Variants in MGAT5B observed in about 807,000 individuals in gnomAD.
MGAT5B encodes the protein N-acetylglucosaminyl-transferase Vb.
A neutral mutation model predicts 95.1 loss-of-function variants in MGAT5B; 54 were observed. That is an observed-to-expected ratio of 0.57 (90% CI 0.46 to 0.71). The LOEUF is 0.71. Among genes scored for constraint, MGAT5B ranks in the 30% least tolerant of loss-of-function variants. The pLI, the probability that MGAT5B is intolerant of heterozygous loss-of-function variation, is 0.00. For synonymous variants in MGAT5B, 464 were observed against 451.0 expected (o/e 1.03, Z -0.36); for missense variants, 935 against 1,088.6 (o/e 0.86, Z 1.99).
rs576403632 is a variant in MGAT5B at position 76,913,426 on chromosome 17, C to T, written c.1025+7239C>T. Among the ~76,000 whole-genome samples, 8 of 152,290 alleles carry T rather than the reference C, an allele frequency of 5.3e-5. No homozygotes were observed. In the South Asian group the frequency reaches 8.3e-4, roughly 16 times the overall value. Reference sequence around the variant, plus strand: ...TGGGCAGCTCAAACCAGCTCCAGGGCGGAGGATGCTGCTCTTCTCTGAGGG... The same window carrying T: ...TGGGCAGCTCAAACCAGCTCCAGGGTGGAGGATGCTGCTCTTCTCTGAGGG... On this transcript the variant is annotated intron_variant, in intron 8 of 17. Transcript: ENST00000569840.
chr17:76,944,523 T>C (rs1969975091), intron 15 of MGAT5B, among the ~76,000 whole-genome samples: 1 of 152,186 alleles, frequency 6.6e-6, no homozygotes, highest in African/African-American at 2.4e-5. Flanking sequence ...AGCAACTGGC[T>C]GCCAGGGTCT....
chr17:76,875,105 C>G (rs563510785), intron 2 of MGAT5B, among the ~76,000 whole-genome samples: 2 of 152,276 alleles, frequency 1.3e-5, no homozygotes, highest in African/African-American at 4.8e-5. Flanking sequence ...CATTACTCAC[C>G]CAAGGATAGT....
rs1968547932 is a variant in MGAT5B at position 76,906,841 on chromosome 17, T to A, written c.1025+654T>A. ...TGTAGGAATACAGGAGATTCTTCTC[T>A]TTATTAATATTTATTGTAAGATATA... On this transcript the variant is annotated intron_variant, in intron 8 of 17. Transcript: ENST00000569840. The surrounding 1 kb of genome is among the most constrained non-coding windows in gnomAD (Gnocchi z 4.6). Among the ~76,000 whole-genome samples the A allele has an allele frequency of 1.3e-5, 2 of 152,204 alleles. No individual in the cohort carries two copies. The highest frequency in any genetic ancestry group is 4.2e-4 in the South Asian group (2 of 4,816).
chr17:76,934,546 C>T (rs534043905), intron 12 of MGAT5B, among the ~76,000 whole-genome samples: 2 of 152,210 alleles, frequency 1.3e-5, no homozygotes, highest in Admixed American at 1.3e-4. Flanking sequence ...CTCCCCATGC[C>T]GATTGCCACA....
Position 76,915,559 on chromosome 17 carries a change from G to C in MGAT5B, c.1025+9372G>C, listed in dbSNP as rs1968900192. On this transcript the variant is annotated intron_variant, in intron 8 of 17. Coordinates refer to ENST00000569840, the MANE Select transcript of MGAT5B (RefSeq NM_001199172.2). The surrounding 1 kb of genome is among the most constrained non-coding windows in gnomAD (Gnocchi z 8.7). ...CAAATATGGCAAAATGTTAAGGCTT[G>C]ATGAGGCTGGGAAGTGGGCGCATTG... 6.6e-6 allele frequency among the ~76,000 whole-genome samples: 1 copy of C among 152,172 alleles called. No individual in the cohort carries two copies. Among genetic ancestry groups the C allele is most frequent in the Non-Finnish European group, 1.5e-5 (1 of 68,044 alleles).
At chr17:76,922,155 CAG>C (rs1173306501) in intron 8 of MGAT5B, among the ~76,000 whole-genome samples, 1 of 152,126 alleles carries the variant, frequency 6.6e-6, no homozygotes, top group African/African-American at 2.4e-5. Flanking sequence ...GCTCCCAGGA[CAG>C]AGAGATAACA....
chr17:76,926,763 A>T (rs1267260805), intron 10 of MGAT5B, 33 bp downstream of exon 10: 2 of 1,607,772 alleles, frequency 1.2e-6, no homozygotes, highest in African/African-American at 2.7e-5. Flanking sequence ...GTGGGGTCGG[A>T]GGTCCTCCTC....
In MGAT5B at chr17:76,869,164, C is replaced by T; in HGVS notation, c.68+67C>T. The T allele has an allele frequency of 7.1e-7, 1 of 1,404,918 alleles. No individual in the cohort carries two copies. The highest frequency in any genetic ancestry group is 1.0e-6 in the Non-Finnish European group (1 of 990,160). 87.0% of individuals were successfully genotyped at this position (1,404,918 alleles called of 1,614,324 possible). On this transcript the variant is annotated intron_variant, in intron 1 of 17. Transcript: ENST00000569840. This position sits in a 1 kb window ranked among gnomAD's most constrained non-coding sequence, Gnocchi z 7.0. The stretch of plus-strand genomic sequence containing the variant: ...CGGGTGGAGGTGGGCGAGGTCGGTT[C>T]CTGCGAACGTTCAAGTCCTGGTGGC...
intron 10 of MGAT5B, among the ~76,000 whole-genome samples, chr17:76,928,037 G>A (rs1969369467): frequency 6.6e-6 from 1 of 152,096 alleles, no homozygotes; most frequent in South Asian, 2.1e-4. Context: ...CTATATTAGG[G>A]GCAGATGTGA....
chr17:76,884,925 A>G (rs997189275), intron 3 of MGAT5B, among the ~76,000 whole-genome samples: 4 of 151,918 alleles, frequency 2.6e-5, no homozygotes, highest in Non-Finnish European at 5.9e-5. Context: ...TTTAGTAGAG[A>G]CTGGGTTTTG....
intron 3 of MGAT5B, among the ~76,000 whole-genome samples, chr17:76,888,029 C>T (rs2145150501): frequency 6.6e-6 from 1 of 152,304 alleles, no homozygotes; most frequent in South Asian, 2.1e-4. Flanking sequence ...GTCCCTGGAG[C>T]ACAGTGATCT....
intron 8 of MGAT5B, among the ~76,000 whole-genome samples, chr17:76,923,059 G>A (rs967463912): frequency 6.6e-6 from 1 of 152,204 alleles, no homozygotes; most frequent in African/African-American, 2.4e-5. Flanking sequence ...TTCCATCACA[G>A]CGCTGTCGGC....
intron 8 of MGAT5B, chr17:76,923,823 G>A (rs1391287521): frequency 6.6e-6 from 1 of 152,220 alleles, no homozygotes; most frequent in Non-Finnish European, 1.5e-5. Context: ...AGTGGGGAGG[G>A]GGTGTTTGGG....
At chr17:76,891,944 A>G (rs1485044034) in intron 3 of MGAT5B, among the ~76,000 whole-genome samples, 1 of 151,984 alleles carries the variant, frequency 6.6e-6, no homozygotes, top group Non-Finnish European at 1.5e-5. Context: ...CGTGACCCTA[A>G]CAGGCCTTGA....
chr17:76,882,771 G>A (rs638856), intron 3 of MGAT5B, among the ~76,000 whole-genome samples: 50,370 of 141,966 alleles, frequency 0.35, 10,954 homozygotes, highest in African/African-American at 0.59. Context: ...CTGGAGTGCA[G>A]TGGCACAGTC....
At chr17:76,937,607 TGA>T (rs368109607) in intron 12 of MGAT5B, among the ~76,000 whole-genome samples, 1 of 151,206 alleles carries the variant, frequency 6.6e-6, no homozygotes, top group African/African-American at 2.4e-5. Context: ...ATGGGATGGG[TGA>T]GAGAGAGAGA....
chr17:76,932,980 C>G (rs962756828), intron 11 of MGAT5B, among the ~76,000 whole-genome samples: 12 of 152,234 alleles, frequency 7.9e-5, no homozygotes, highest in African/African-American at 2.7e-4. Flanking sequence ...CAGCTTGTCT[C>G]CCGGACTCTC....
Position 76,902,804 on chromosome 17 carries a change from G to C in MGAT5B, c.445+134G>C, listed in dbSNP as rs1036038569. 4 of 734,590 alleles carry C rather than the reference G, an allele frequency of 5.4e-6. No homozygotes were observed. In the Admixed American group the frequency reaches 8.0e-5, roughly 15 times the overall value. The allele number at this position is 734,590 out of a possible 1,614,324, so 45.5% of individuals were successfully genotyped here. The stretch of plus-strand genomic sequence containing the variant: ...ACAGCAGCTCTGCTGGCTCTTCGGG[G>C]CCCCAGTTTAGGCTTTCAGCAGGAC... On this transcript the variant is annotated intron_variant, in intron 4 of 17. Transcript: ENST00000569840.
rs1969749929 is a variant in MGAT5B, at chr17:76,938,580, G to A, written c.1584+437G>A. 6.6e-6 allele frequency among the ~76,000 whole-genome samples: 1 copy of A among 152,210 alleles called. No homozygotes were observed. Among genetic ancestry groups the A allele is most frequent in the Admixed American group, 6.5e-5 (1 of 15,286 alleles). ...TGACTGCTTCAGGGGTCCCTGAGCT[G>A]TACTGCTGGAGCAGCAGTTGACACA... is the stretch of plus-strand genomic sequence containing the variant. On this transcript the variant is annotated intron_variant, in intron 13 of 17. Coordinates refer to ENST00000569840, the MANE Select transcript of MGAT5B (RefSeq NM_001199172.2). The surrounding 1 kb of genome is among the most constrained non-coding windows in gnomAD (Gnocchi z 4.3).
Sources: allele counts gnomAD v4.1 joint callset (sites outside exome capture counted in the v4.1 genomes callset), GRCh38; gene constraint gnomAD v4.1.1; non-coding constraint Gnocchi (gnomAD v3.1); transcripts MANE v1.5; gene names NCBI Gene and HGNC (gene_info 2026-07-23, HGNC 2026-07-21).